Variants in MTMR3 observed in about 807,000 individuals in gnomAD.
MTMR3 encodes myotubularin related protein 3.
A neutral mutation model predicts 132.4 loss-of-function variants in MTMR3; 32 were observed. That is an observed-to-expected ratio of 0.24 (90% confidence interval 0.18 to 0.32). The LOEUF is 0.32. Among genes scored for constraint, MTMR3 ranks in the 10% least tolerant of loss-of-function variants. The pLI is 1.00. For missense variants in MTMR3, 1,216 were observed against 1,489.6 expected, an observed-to-expected ratio of 0.82 and a Z score of 3.02; for synonymous variants, 556 against 550.3, an observed-to-expected ratio of 1.01 and a Z score of -0.14.
chr22:29,963,357 A>G (rs1414630320), intron 2 of MTMR3, among the ~76,000 whole-genome samples: 1 of 149,778 alleles, frequency 6.7e-6, no homozygotes, highest in African/African-American at 2.5e-5. Flanking sequence ...TGTTGGGATT[A>G]TAGGCATGAG....
intron 2 of MTMR3, among the ~76,000 whole-genome samples, chr22:29,964,671 C>T (rs545420379): frequency 7.9e-5 from 12 of 152,220 alleles, no homozygotes; most frequent in Non-Finnish European, 1.6e-4. Flanking sequence ...TCCGTACTGC[C>T]TCCATTCTAA....
chr22:30,007,743 GAA>G, intron 10 of MTMR3, 156 bp from the exon 11 acceptor site: 1 of 857,254 alleles, frequency 1.2e-6, no homozygotes, highest in South Asian at 1.9e-5. Context: ...AGGCCACATA[GAA>G]AAAAAGAGAA....
intron 9 of MTMR3, 75 bp downstream of exon 9, chr22:30,003,068 T>A: frequency 8.4e-7 from 1 of 1,186,644 alleles, no homozygotes; most frequent in Non-Finnish European, 1.3e-6. Context: ...CCTCTGCTGC[T>A]GCTAACCTGG....
intron 1 of MTMR3, among the ~76,000 whole-genome samples, chr22:29,892,405 T>C (rs775068389): frequency 6.6e-6 from 1 of 152,206 alleles, no homozygotes; most frequent in Non-Finnish European, 1.5e-5. Flanking sequence ...CCCTGTTTTT[T>C]AAGAGTTAGG....
At position 29,907,071 on chromosome 22, in the gene MTMR3, G is replaced by C. The variant is rs912010678; in HGVS notation, c.-138+23712G>C. ...CAGCCCAGGTGACAGAGTGAGACTC[G>C]GTCTCAAACAAACAAAATCCAAAAA... On this transcript the variant is annotated intron_variant, in intron 1 of 19. Transcript: ENST00000401950. Among the ~76,000 whole-genome samples, 4 of 151,396 alleles carry C rather than the reference G, an allele frequency of 2.6e-5. No homozygotes were observed. In the East Asian group the frequency reaches 7.8e-4, roughly 30 times the overall value.
intron 1 of MTMR3, among the ~76,000 whole-genome samples, chr22:29,905,101 T>C (rs2065070709): frequency 6.6e-6 from 1 of 152,148 alleles, no homozygotes; most frequent in South Asian, 2.1e-4. Context: ...TTAGTGGTTA[T>C]ACAGAGAACA....
At chr22:30,007,775 T>G in intron 10 of MTMR3, 126 bp from the exon 11 acceptor site, 1 of 1,122,064 alleles carries the variant, frequency 8.9e-7, no homozygotes, top group Non-Finnish European at 1.3e-6. Flanking sequence ...GTATCAAGGG[T>G]TTTGGTTAGG....
intron 2 of MTMR3, among the ~76,000 whole-genome samples, chr22:29,966,877 C>T (rs2066431702): frequency 6.6e-6 from 1 of 151,904 alleles, no homozygotes; most frequent in Non-Finnish European, 1.5e-5. Flanking sequence ...CAAATTATTT[C>T]ATTTTTAGCT....
chr22:29,938,264 C>A (rs1197825892), intron 1 of MTMR3, among the ~76,000 whole-genome samples: 1 of 152,204 alleles, frequency 6.6e-6, no homozygotes, highest in African/African-American at 2.4e-5. Context: ...CGTAAAGAAA[C>A]CCATAAAGAT....
chr22:29,983,149 C>A (rs1363825921), intron 5 of MTMR3: 1 of 152,158 alleles, frequency 6.6e-6, no homozygotes, highest in Non-Finnish European at 1.5e-5. Flanking sequence ...GAGTCCTTTT[C>A]CTCTTACTGG....
chr22:30,012,445 A>T lies in MTMR3; in HGVS notation c.1199A>T (p.His400Leu). The T allele has an allele frequency of 1.2e-6, 2 of 1,614,218 alleles. No individual in the cohort carries two copies. The highest frequency in any genetic ancestry group is 1.7e-6 in the Non-Finnish European group (2 of 1,180,036). ...CTGAAATCAGCGCTTCTGGTAGTGC[A>T]TGCTGTGGATCAGGATCAGCGGCCG... ...VLLKSALLVV[H>L]AVDQDQRPVL... The change falls in exon 13 of 20, where the codon CAT (histidine) becomes CTT (leucine). Residue 400 changes from histidine (H) to leucine (L), a missense_variant. Coordinates refer to ENST00000401950, the MANE Select transcript of MTMR3 (RefSeq NM_021090.4).
intron 1 of MTMR3, among the ~76,000 whole-genome samples, chr22:29,908,713 T>C (rs950810669): frequency 6.6e-6 from 1 of 152,228 alleles, no homozygotes; most frequent in African/African-American, 2.4e-5. Flanking sequence ...TAAGACTAAG[T>C]GACTGTGTAT....
chr22:29,925,315 G>A (rs1369610215), intron 1 of MTMR3, among the ~76,000 whole-genome samples: 3 of 152,180 alleles, frequency 2.0e-5, no homozygotes, highest in Non-Finnish European at 4.4e-5. Flanking sequence ...TTACAGGTGT[G>A]AGCTGCTGCT....
At chr22:30,010,608 T>G (rs1359642033) in intron 12 of MTMR3, 1 of 152,186 alleles carries the variant, frequency 6.6e-6, no homozygotes, top group Admixed American at 6.5e-5. Flanking sequence ...AGCCCCTCCT[T>G]GGCTGGCAGG....
chr22:29,913,409 G>A (rs1416727586), intron 1 of MTMR3, among the ~76,000 whole-genome samples: 1 of 152,162 alleles, frequency 6.6e-6, no homozygotes, highest in East Asian at 1.9e-4. Flanking sequence ...AGAGCCTTCT[G>A]TAACTAAGAT....
intron 1 of MTMR3, among the ~76,000 whole-genome samples, chr22:29,926,490 T>C (rs1292668834): frequency 6.6e-6 from 1 of 152,234 alleles, no homozygotes; most frequent in African/African-American, 2.4e-5. Context: ...AGCTATACCA[T>C]GTCACATTCC....
At chr22:30,013,916 C>T (rs1181751838) in intron 14 of MTMR3, 1 of 178,042 alleles carries the variant, frequency 5.6e-6, no homozygotes, top group Non-Finnish European at 1.2e-5. Flanking sequence ...GGTACACTAT[C>T]CCTGCCCTCT....
intron 5 of MTMR3, 155 bp downstream of exon 5, chr22:29,979,207 G>A: frequency 1.8e-6 from 1 of 565,992 alleles, no homozygotes; most frequent in East Asian, 3.3e-5. Flanking sequence ...AGGAACACTG[G>A]CTTGGCCAGG....
intron 1 of MTMR3, among the ~76,000 whole-genome samples, chr22:29,885,917 A>G (rs564398372): frequency 2.0e-5 from 3 of 152,258 alleles, no homozygotes; most frequent in African/African-American, 7.2e-5. Context: ...GGTGGAAGAA[A>G]ATGTTGTTAC....
Sources: gnomAD v4.1 joint callset for allele counts (sites outside exome capture counted in the v4.1 genomes callset) on GRCh38, gnomAD v4.1.1 for gene constraint, MANE v1.5 for transcripts, NCBI Gene and HGNC (gene_info 2026-07-23, HGNC 2026-07-21) for gene names.